Variants in AAK1 observed in about 807,000 individuals in gnomAD.
The protein encoded by AAK1 is AP2-associated protein kinase 1.
Under a neutral mutation model 116.0 loss-of-function variants are expected in AAK1, and 37 were observed. The observed-to-expected ratio is 0.32, with a 90% confidence interval of 0.25 to 0.42. The LOEUF (loss-of-function observed/expected upper bound fraction) is 0.42, where lower values mean the gene tolerates loss of function less well. Ranked by LOEUF, AAK1 falls within the 10% of genes least tolerant of loss-of-function variation. The pLI is 1.00. For synonymous variants in AAK1, 458 were observed against 439.9 expected (o/e 1.04, Z -0.51); for missense variants, 919 against 1,170.6 (o/e 0.79, Z 3.14).
At chr2:69,497,668 T>C (rs1675803193) in intron 16 of AAK1, among the ~76,000 whole-genome samples, 1 of 152,120 alleles carries the variant, frequency 6.6e-6, no homozygotes, top group Non-Finnish European at 1.5e-5. Flanking sequence ...TCATTTTGTT[T>C]GTCAGCTGTC....
chr2:69,479,007 G>A lies in AAK1; in HGVS notation c.2624C>T (p.Thr875Ile), dbSNP rs1558894148. ...LLDCSLLSNP[T>I]TDLLEEFAPT... ...GGCAAACTCTTCCAGAAGGTCAGTA[G>A]TAGGGTTAGAGAGCAGAGAGCAATC... The change falls in exon 20 of 22, where the codon ACT (threonine) becomes ATT (isoleucine). Residue 875 changes from threonine to isoleucine, a missense_variant. Coordinates refer to ENST00000409085, the MANE Select transcript of AAK1 (RefSeq NM_014911.5). 1.2e-6 allele frequency: 2 copies of A among 1,613,958 alleles called. No individual in the cohort carries two copies. The highest frequency in any genetic ancestry group is 1.7e-6 in the Non-Finnish European group (2 of 1,179,846).
At chr2:69,616,504 T>C (rs1182510725) in intron 2 of AAK1, among the ~76,000 whole-genome samples, 1 of 152,206 alleles carries the variant, frequency 6.6e-6, no homozygotes, top group East Asian at 1.9e-4. Flanking sequence ...AGAGTACTGA[T>C]GTTGGGGCCC....
chr2:69,518,681 T>C (rs952711354), intron 12 of AAK1, among the ~76,000 whole-genome samples: 1 of 152,130 alleles, frequency 6.6e-6, no homozygotes, highest in Non-Finnish European at 1.5e-5. Flanking sequence ...CCTCCCAAAG[T>C]GCTGGGATTA....
chr2:69,556,842 TC>T lies in AAK1; in HGVS notation c.282+17del. The T allele has an allele frequency of 6.3e-7, 1 of 1,586,392 alleles. No homozygotes were observed. Among genetic ancestry groups the T allele is most frequent in the Non-Finnish European group, 8.7e-7 (1 of 1,155,392 alleles). ...TGCCTCCATTTTAAACAGTCCCAAG[TC>T]CAAGGGGCAGCCTTACCATTATCTG... is the stretch of plus-strand genomic sequence containing the variant. On this transcript the variant is annotated intron_variant, in intron 3 of 21. Coordinates refer to ENST00000409085, the MANE Select transcript of AAK1 (RefSeq NM_014911.5).
chr2:69,573,445 T>G (rs1672168361), intron 2 of AAK1, among the ~76,000 whole-genome samples: 1 of 152,118 alleles, frequency 6.6e-6, no homozygotes, highest in Admixed American at 6.5e-5. Flanking sequence ...TCCACCCAAG[T>G]ATCTAATGCT....
chr2:69,605,765 C>T (rs190310477), intron 2 of AAK1, among the ~76,000 whole-genome samples: 10 of 152,312 alleles, frequency 6.6e-5, no homozygotes, highest in Non-Finnish European at 1.3e-4. Context: ...AAAAAGATCC[C>T]TTATGCTGCC....
In AAK1 at chr2:69,469,336, T is replaced by C; in HGVS notation, c.*6533A>G. 1 of 985,396 alleles carries C rather than the reference T, an allele frequency of 1.0e-6. No homozygotes were observed. Among genetic ancestry groups the C allele is most frequent in the Non-Finnish European group, 1.2e-6 (1 of 829,918 alleles). 61.0% of individuals were successfully genotyped at this position (985,396 alleles called of 1,614,324 possible). A position where few individuals can be genotyped will look rare whatever the true frequency, so the allele number is the denominator to read the frequency against. On this transcript the variant is annotated 3_prime_UTR_variant, in exon 22 of 22. Transcript: ENST00000409085. ...ACAAGGTAGTCGAGAGAAGGATAAA[T>C]TCCAAATATACTAGAAACAGAAGGT...
At chr2:69,480,819 A>G (rs1675059102) in intron 19 of AAK1, 41 bp downstream of exon 19, 1 of 1,528,238 alleles carries the variant, frequency 6.5e-7, no homozygotes, top group African/African-American at 1.4e-5. Flanking sequence ...GAGGTTCACC[A>G]CACCGACCAG....
At chr2:69,575,337 G>A (rs1003521097) in intron 2 of AAK1, among the ~76,000 whole-genome samples, 1 of 151,958 alleles carries the variant, frequency 6.6e-6, no homozygotes, top group Non-Finnish European at 1.5e-5. Context: ...TAAGGGGAAT[G>A]AGGCACTTGC....
chr2:69,634,843 T>C (rs977301877), intron 2 of AAK1, among the ~76,000 whole-genome samples: 2 of 152,222 alleles, frequency 1.3e-5, no homozygotes, highest in Non-Finnish European at 2.9e-5. Context: ...AAAGTAAGTA[T>C]TGCAATATTT....
intron 2 of AAK1, among the ~76,000 whole-genome samples, chr2:69,608,760 A>C (rs1337395150): frequency 6.6e-6 from 1 of 152,236 alleles, no homozygotes; most frequent in Non-Finnish European, 1.5e-5. Flanking sequence ...CTTAACAAAA[A>C]AACTTCTTAG....
At chr2:69,491,026 C>T (rs1168822516) in intron 17 of AAK1, among the ~76,000 whole-genome samples, 1 of 151,976 alleles carries the variant, frequency 6.6e-6, no homozygotes, top group African/African-American at 2.4e-5. Context: ...CAGCCTCAAA[C>T]TCCTGGGCTC....
chr2:69,500,696 T>TAC lies in AAK1; in HGVS notation c.2270-4617_2270-4616insGT, dbSNP rs1433743875. On this transcript the variant is annotated intron_variant, in intron 16 of 21. Transcript: ENST00000409085. Reference sequence around the variant, plus strand: ...ATATATATATATATATATATATATATATACACACACACACACACACACACA... The same window carrying TAC: ...ATATATATATATATATATATATATATACATACACACACACACACACACACACA... Among the ~76,000 whole-genome samples the TAC allele has an allele frequency of 6.0e-3, 598 of 99,266 alleles. 4 individuals are homozygous for TAC. The highest frequency in any genetic ancestry group is 0.018 in the African/African-American group (347 of 19,316). 65.1% of individuals were successfully genotyped at this position (99,266 alleles called of 152,430 possible). A position where few individuals can be genotyped will look rare whatever the true frequency, so the allele number is the denominator to read the frequency against.
At chr2:69,598,174 C>G in intron 2 of AAK1, 1 of 977,206 alleles carries the variant, frequency 1.0e-6, no homozygotes, top group South Asian at 4.2e-5. Flanking sequence ...CCAAGTACAT[C>G]ATGAATACAG....
intron 2 of AAK1, among the ~76,000 whole-genome samples, chr2:69,587,339 G>GCA (rs565606288): frequency 2.7e-5 from 4 of 148,058 alleles, no homozygotes; most frequent in East Asian, 2.0e-4. Context: ...ACATATGCGT[G>GCA]CACACACACA....
chr2:69,550,971 G>C (rs770973805), intron 3 of AAK1, among the ~76,000 whole-genome samples: 9 of 151,930 alleles, frequency 5.9e-5, no homozygotes, highest in Non-Finnish European at 1.3e-4. Context: ...CATAATACTA[G>C]ACAATTTTTT....
At chr2:69,572,645 C>G (rs937265089) in intron 2 of AAK1, among the ~76,000 whole-genome samples, 4 of 136,216 alleles carry the variant, frequency 2.9e-5, no homozygotes, top group African/African-American at 1.1e-4. Flanking sequence ...AAAAAAAAAG[C>G]ATACAAATAT....
rs1558879060 is a variant in AAK1 at position 69,463,512 on chromosome 2, ATTATT to A, written c.*12352_*12356del. On this transcript the variant is annotated 3_prime_UTR_variant, in exon 22 of 22. Coordinates refer to ENST00000409085, the MANE Select transcript of AAK1 (RefSeq NM_014911.5). ...TCACCATACCCAGCTAATTTTTTTC[ATTATT>A]TTATTTAATTTTATTTTTTAGACTC... 1 of 151,578 alleles carries A rather than the reference ATTATT, an allele frequency of 6.6e-6. No individual in the cohort carries two copies. Among genetic ancestry groups the A allele is most frequent in the Non-Finnish European group, 1.5e-5 (1 of 67,948 alleles). The allele number at this position is 151,578 out of a possible 1,614,324, so 9.4% of individuals were successfully genotyped here. A position where few individuals can be genotyped will look rare whatever the true frequency, so the allele number is the denominator to read the frequency against.
At chr2:69,637,591 C>T (rs745935360) in intron 2 of AAK1, among the ~76,000 whole-genome samples, 2 of 152,194 alleles carry the variant, frequency 1.3e-5, no homozygotes, top group South Asian at 2.1e-4. Flanking sequence ...ATAGACAATA[C>T]GTTTCTATTA....
Sources: gnomAD v4.1 joint callset for allele counts (sites outside exome capture counted in the v4.1 genomes callset) on GRCh38, gnomAD v4.1.1 for gene constraint, MANE v1.5 for transcripts, NCBI Gene and HGNC (gene_info 2026-07-23, HGNC 2026-07-21) for gene names.